EFCC1: variants seen among roughly 807,000 people sequenced by gnomAD.
The protein encoded by EFCC1 is EF-hand and coiled-coil domain-containing protein 1.
Under a neutral mutation model 52.1 loss-of-function variants are expected in EFCC1, and 50 were observed. The ratio of observed to expected loss-of-function variants is 0.96; its 90% CI spans 0.76 to 1.21. EFCC1 has a LOEUF of 1.21. Ranked by LOEUF, EFCC1 falls within the 50% of genes most tolerant of loss-of-function variation. The pLI, the probability that EFCC1 is intolerant of heterozygous loss-of-function variation, is 0.00. For missense variants in EFCC1, 837 were observed against 867.3 expected (o/e 0.97, Z 0.44); for synonymous variants, 399 against 396.5 (o/e 1.01, Z -0.08).
chr3:129,037,988 C>T (rs1946377597), intron 6 of EFCC1, among the ~76,000 whole-genome samples: 1 of 151,626 alleles, frequency 6.6e-6, no homozygotes, highest in Non-Finnish European at 1.5e-5. Context: ...TGCCAAAGTC[C>T]AGGAGGCAAA....
intron 2 of EFCC1, among the ~76,000 whole-genome samples, chr3:129,022,564 G>A (rs1449167447): frequency 6.6e-6 from 1 of 152,224 alleles, no homozygotes; most frequent in African/African-American, 2.4e-5. Context: ...GAAGACATCA[G>A]AGGCTCACCC....
chr3:129,019,012 G>A (rs112711581), intron 2 of EFCC1, among the ~76,000 whole-genome samples: 1,565 of 152,256 alleles, frequency 0.01, 27 homozygotes, highest in African/African-American at 0.034. Flanking sequence ...CACCAAGTGC[G>A]TGTCCTCCCC....
At chr3:129,036,031 C>T (rs961355656) in intron 5 of EFCC1, among the ~76,000 whole-genome samples, 5 of 152,232 alleles carry the variant, frequency 3.3e-5, no homozygotes, top group South Asian at 2.1e-4. Context: ...TCTCCACCAC[C>T]GCTCTGGTTT....
chr3:129,027,590 G>GC (rs1052865939), intron 2 of EFCC1, among the ~76,000 whole-genome samples: 7 of 152,196 alleles, frequency 4.6e-5, no homozygotes, highest in Admixed American at 1.3e-4. Context: ...CACCTCCCGA[G>GC]CAGGGGTCTT....
intron 6 of EFCC1, among the ~76,000 whole-genome samples, chr3:129,037,946 C>T (rs767095101): frequency 2.0e-4 from 30 of 151,778 alleles, no homozygotes; most frequent in Non-Finnish European, 4.0e-4. Flanking sequence ...TGCCTGTGGT[C>T]CCAGCTACTT....
intron 2 of EFCC1, among the ~76,000 whole-genome samples, chr3:129,008,168 GTGAGAGAT>G (rs1167634735): frequency 4.6e-5 from 7 of 152,228 alleles, no homozygotes; most frequent in Non-Finnish European, 7.3e-5. Context: ...TGCACAGGTA[GTGAGAGAT>G]TGAGTCCCAT....
rs1187748863 is a variant in EFCC1, at chr3:129,001,854, C to T, written c.226C>T (p.Arg76Cys). Residue 76 changes from arginine (R) to cysteine (C), a missense_variant, in exon 1 of 8, where the codon CGC (arginine) becomes TGC (cysteine). Transcript: ENST00000683648. ...LDCRGAGRLP[R>C]ADFRALCAVL... ...CTGCCGCGGCGCCGGCCGTCTGCCCCGCGCCGACTTCCGAGCGCTCTGCGC... is the reference window on the plus strand; with the variant it reads ...CTGCCGCGGCGCCGGCCGTCTGCCCTGCGCCGACTTCCGAGCGCTCTGCGC... 2 of 1,546,198 alleles carry T rather than the reference C, an allele frequency of 1.3e-6. No homozygotes were observed. Among genetic ancestry groups the T allele is most frequent in the East Asian group, 2.5e-5 (1 of 40,710 alleles).
rs891639434 is a variant in EFCC1, at chr3:129,034,205, G to A, written c.1328G>A (p.Gly443Asp). The change falls in exon 5 of 8, where the codon GGT becomes GAT. Residue 443 changes from glycine (G) to aspartate (D), a missense_variant. Gly to Asp is a moderately conservative substitution (Grantham distance 94, BLOSUM62 -1). Coordinates refer to ENST00000683648, the MANE Select transcript of EFCC1 (RefSeq NM_001377500.1). The stretch of plus-strand genomic sequence containing the variant: ...GCGGAGAAGCTCATGACTTACTTTG[G>A]TCACTTCGGCGGTGCCAACCATGCC... ...QTAEKLMTYF[G>D]HFGGANHAHT... 6.2e-7 allele frequency: 1 copy of A among 1,614,118 alleles called. No homozygotes were observed. Among genetic ancestry groups the A allele is most frequent in the East Asian group, 2.2e-5 (1 of 44,902 alleles).
intron 2 of EFCC1, among the ~76,000 whole-genome samples, chr3:129,025,478 G>A (rs557484022): frequency 4.6e-5 from 7 of 152,346 alleles, no homozygotes; most frequent in Non-Finnish European, 5.9e-5. Context: ...GCCCAGTGCC[G>A]TGGGTGATGT....
At chr3:129,018,061 T>C (rs2107903085) in intron 2 of EFCC1, among the ~76,000 whole-genome samples, 1 of 152,344 alleles carries the variant, frequency 6.6e-6, no homozygotes, top group Middle Eastern at 3.4e-3. Flanking sequence ...AGAGGGTCCC[T>C]GTGCCCCTCA....
intron 5 of EFCC1, among the ~76,000 whole-genome samples, chr3:129,035,976 T>G (rs143765907): frequency 6.6e-6 from 1 of 152,366 alleles, no homozygotes; most frequent in Non-Finnish European, 1.5e-5. Flanking sequence ...CTAGCACTCT[T>G]CTGTGTTGTG....
chr3:129,004,856 A>G (rs1300125954), intron 2 of EFCC1, among the ~76,000 whole-genome samples: 1 of 152,148 alleles, frequency 6.6e-6, no homozygotes, highest in Admixed American at 6.5e-5. Context: ...CTTGGGACCC[A>G]GGTTCAAATC....
At position 129,014,888 on chromosome 3, in the gene EFCC1, CT is replaced by C. The variant is rs1945503383; in HGVS notation, c.980+10812del. ...AGTGAGGAGGAGCAGGTGAAGAGCC[CT>C]CCTCACCTGTACACACGGAGTCCTG... is the stretch of plus-strand genomic sequence containing the variant. On this transcript the variant is annotated intron_variant, in intron 2 of 7. Coordinates refer to ENST00000683648, the MANE Select transcript of EFCC1 (RefSeq NM_001377500.1). The surrounding 1 kb of genome is among the most constrained non-coding windows in gnomAD (Gnocchi z 4.3). 6.6e-6 allele frequency among the ~76,000 whole-genome samples: 1 copy of C among 152,040 alleles called. No homozygotes were observed.
Position 129,001,852 on chromosome 3 carries a change from C to A in EFCC1, c.224C>A (p.Pro75His). 1 of 1,546,150 alleles carries A rather than the reference C, an allele frequency of 6.5e-7. No individual in the cohort carries two copies. Among genetic ancestry groups the A allele is most frequent in the Non-Finnish European group, 8.7e-7 (1 of 1,145,638 alleles). Residue 75 changes from proline to histidine, a missense_variant, in exon 1 of 8, where the codon CCC (proline) becomes CAC (histidine). Coordinates refer to ENST00000683648, the MANE Select transcript of EFCC1 (RefSeq NM_001377500.1). Reference sequence around the variant, plus strand: ...GACTGCCGCGGCGCCGGCCGTCTGCCCCGCGCCGACTTCCGAGCGCTCTGC... The same window carrying A: ...GACTGCCGCGGCGCCGGCCGTCTGCACCGCGCCGACTTCCGAGCGCTCTGC... ...HLDCRGAGRL[P>H]RADFRALCAV...
In EFCC1 at chr3:129,001,818, C is replaced by T; in HGVS notation, c.190C>T (p.His64Tyr). 1 of 1,545,618 alleles carries T rather than the reference C, an allele frequency of 6.5e-7. No homozygotes were observed. Among genetic ancestry groups the T allele is most frequent in the Non-Finnish European group, 8.7e-7 (1 of 1,145,772 alleles). Residue 64 changes from histidine (H) to tyrosine (Y), a missense_variant, in exon 1 of 8, where the codon CAC becomes TAC. Coordinates refer to ENST00000683648, the MANE Select transcript of EFCC1 (RefSeq NM_001377500.1). ...GGACCAGTACCTGCAGGAGGTCTTC[C>T]ACCACCTGGACTGCCGCGGCGCCGG... is the stretch of plus-strand genomic sequence containing the variant. Reference protein sequence around the residue: ...GLDQYLQEVFHHLDCRGAGRL... With the variant: ...GLDQYLQEVFYHLDCRGAGRL...
intron 6 of EFCC1, among the ~76,000 whole-genome samples, chr3:129,038,206 G>A (rs1196998020): frequency 6.6e-6 from 1 of 152,236 alleles, no homozygotes; most frequent in African/African-American, 2.4e-5. Context: ...CAAGACCCAG[G>A]TCTGTGGGGC....
intron 3 of EFCC1, among the ~76,000 whole-genome samples, chr3:129,031,775 A>G (rs978265355): frequency 2.0e-5 from 3 of 152,198 alleles, no homozygotes; most frequent in African/African-American, 7.2e-5. Flanking sequence ...GATGGTCACC[A>G]GTGGCTCCAG....
chr3:129,027,755 A>G (rs1231300992), intron 2 of EFCC1, among the ~76,000 whole-genome samples: 1 of 152,092 alleles, frequency 6.6e-6, no homozygotes, highest in African/African-American at 2.4e-5. Context: ...CAAGAGTTCG[A>G]GACCAGCCTG....
At chr3:129,036,514 C>G (rs1405811106) in intron 5 of EFCC1, among the ~76,000 whole-genome samples, 2 of 152,256 alleles carry the variant, frequency 1.3e-5, no homozygotes, top group Non-Finnish European at 2.9e-5. Context: ...CTGGGCCAAC[C>G]ACGCCCCTCT....
Sources: allele counts gnomAD v4.1 joint callset (sites outside exome capture counted in the v4.1 genomes callset), GRCh38; gene constraint gnomAD v4.1.1; non-coding constraint Gnocchi (gnomAD v3.1); transcripts MANE v1.5; gene names NCBI Gene and HGNC (gene_info 2026-07-23, HGNC 2026-07-21).